Variants in DPYS observed in about 807,000 individuals in gnomAD.
DPYS encodes dihydropyrimidinase.
In DPYS, 39 loss-of-function variants were observed where a neutral mutation model predicts 50.3. The observed-to-expected ratio is 0.78, with a 90% confidence interval of 0.60 to 1.01. DPYS has a LOEUF of 1.01. Ranked by LOEUF, DPYS falls within the 50% of genes least tolerant of loss-of-function variation. The pLI, the probability that DPYS is intolerant of heterozygous loss-of-function variation, is 0.00. For synonymous variants in DPYS, 245 were observed against 250.7 expected, an observed-to-expected ratio of 0.98 and a Z score of 0.22; for missense variants, 659 against 680.9, an observed-to-expected ratio of 0.97 and a Z score of 0.36.
chr8:104,455,488 G>C (rs1192447752), intron 1 of DPYS, among the ~76,000 whole-genome samples: 2 of 152,206 alleles, frequency 1.3e-5, no homozygotes, highest in South Asian at 2.1e-4. Flanking sequence ...CAGAGGAGGA[G>C]CATGATCTGC....
intron 4 of DPYS, among the ~76,000 whole-genome samples, chr8:104,431,441 T>A (rs939898531): frequency 1.3e-5 from 2 of 151,048 alleles, no homozygotes; most frequent in South Asian, 2.1e-4. Context: ...CCATCTAGTA[T>A]CTGTTAATAT....
intron 1 of DPYS, among the ~76,000 whole-genome samples, chr8:104,465,207 C>G (rs1051747461): frequency 1.3e-5 from 2 of 150,648 alleles, no homozygotes; most frequent in Non-Finnish European, 2.9e-5. Flanking sequence ...GTAGCTATCA[C>G]CAAAACTGCT....
At chr8:104,421,815 C>T (rs1040324053) in intron 7 of DPYS, among the ~76,000 whole-genome samples, 1 of 152,134 alleles carries the variant, frequency 6.6e-6, no homozygotes, top group Non-Finnish European at 1.5e-5. Flanking sequence ...ACATCTGGAT[C>T]TTTATGTGCT....
Position 104,423,729 on chromosome 8 carries a change from A to G in DPYS, c.1235+518T>C, listed in dbSNP as rs1433060429. Among the ~76,000 whole-genome samples the G allele has an allele frequency of 2.6e-5, 4 of 152,320 alleles. No homozygotes were observed. The East Asian group carries it at 7.7e-4, about 29-fold the overall frequency. On this transcript the variant is annotated intron_variant, in intron 7 of 9. Transcript: ENST00000351513. ...AGTTGGTGGAATTTGCCAGACTTGC[A>G]ATATTAACATAGAATTATGGAAATT...
intron 7 of DPYS, among the ~76,000 whole-genome samples, chr8:104,398,939 C>A (rs1336366935): frequency 6.6e-6 from 1 of 152,180 alleles, no homozygotes; most frequent in East Asian, 1.9e-4. Context: ...GCTGATGGGC[C>A]TCATGTCATC....
intron 7 of DPYS, among the ~76,000 whole-genome samples, chr8:104,394,942 T>C (rs951855964): frequency 1.3e-5 from 2 of 151,464 alleles, no homozygotes; most frequent in African/African-American, 4.9e-5. Flanking sequence ...AAAGGTTATA[T>C]CACTTGCCAA....
At chr8:104,385,816 A>T (rs550464733) in intron 8 of DPYS, among the ~76,000 whole-genome samples, 36 of 152,202 alleles carry the variant, frequency 2.4e-4, no homozygotes, top group Middle Eastern at 3.4e-3. Flanking sequence ...CTGCCATGTG[A>T]TGCCTTCCTC....
chr8:104,427,825 G>A (rs1196233556), intron 6 of DPYS, among the ~76,000 whole-genome samples, 155 bp downstream of exon 6: 4 of 152,216 alleles, frequency 2.6e-5, no homozygotes, highest in African/African-American at 9.6e-5. Flanking sequence ...GGGATGGAAT[G>A]GTGGTCGAGG....
chr8:104,433,163 C>T (rs568509844), intron 4 of DPYS, among the ~76,000 whole-genome samples: 1 of 152,270 alleles, frequency 6.6e-6, no homozygotes, highest in South Asian at 2.1e-4. Flanking sequence ...CCTGTTCAAC[C>T]CTGTTGTCAC....
intron 7 of DPYS, among the ~76,000 whole-genome samples, chr8:104,413,369 T>C (rs2140579832): frequency 6.6e-6 from 1 of 151,012 alleles, no homozygotes; most frequent in East Asian, 1.9e-4. Flanking sequence ...GAAATGCACC[T>C]ATATATATAT....
intron 7 of DPYS, among the ~76,000 whole-genome samples, chr8:104,401,888 C>T (rs758156211): frequency 6.6e-6 from 1 of 152,220 alleles, no homozygotes. Flanking sequence ...CTTCCACCCT[C>T]TATTGAGACT....
At chr8:104,422,696 T>G (rs1812588337) in intron 7 of DPYS, among the ~76,000 whole-genome samples, 1 of 152,222 alleles carries the variant, frequency 6.6e-6, no homozygotes, top group African/African-American at 2.4e-5. Flanking sequence ...GTTTTCTCCC[T>G]TTTGAAAATT....
intron 7 of DPYS, among the ~76,000 whole-genome samples, chr8:104,415,392 T>C (rs902409281): frequency 6.6e-6 from 1 of 152,248 alleles, no homozygotes; most frequent in Admixed American, 6.5e-5. Flanking sequence ...ATTTCTAAGC[T>C]GCTTTTCTTT....
At chr8:104,399,866 C>CAAAAAAAAAAA (rs57562204) in intron 7 of DPYS, among the ~76,000 whole-genome samples, 1 of 52,532 alleles carries the variant, frequency 1.9e-5, no homozygotes, top group Admixed American at 3.0e-4. Flanking sequence ...GACTCCGTCT[C>CAAAAAAAAAAA]AAAAAAAAAA....
At chr8:104,441,874 CA>C (rs1284006072) in intron 4 of DPYS, among the ~76,000 whole-genome samples, 3 of 152,040 alleles carry the variant, frequency 2.0e-5, no homozygotes, top group South Asian at 2.1e-4. Flanking sequence ...CCTGCACTTA[CA>C]AAAAAGAATG....
At chr8:104,431,917 T>C (rs1222114123) in intron 4 of DPYS, among the ~76,000 whole-genome samples, 1 of 152,216 alleles carries the variant, frequency 6.6e-6, no homozygotes, top group African/African-American at 2.4e-5. Flanking sequence ...GGAAAGAGCA[T>C]GTATTTCTAA....
chr8:104,428,190 C>G (rs999074134), intron 5 of DPYS, 69 bp from the exon 6 acceptor site: 1 of 1,595,826 alleles, frequency 6.3e-7, no homozygotes, highest in Non-Finnish European at 8.6e-7. Flanking sequence ...ACTGCCATAA[C>G]CTTTCCTAAT....
chr8:104,423,524 G>A (rs1023513073), intron 7 of DPYS, among the ~76,000 whole-genome samples: 1 of 152,170 alleles, frequency 6.6e-6, no homozygotes, highest in Admixed American at 6.5e-5. Context: ...ATGCCTGTAC[G>A]AGGAGGCAGA....
chr8:104,466,711 C>A lies in DPYS; in HGVS notation c.210G>T (p.Met70Ile). ...ACCGCGAGCCCATGAAGGGGAACTG[C>A]ATGTGCGTGTGTGTGTCGATGCCTC... Reference protein sequence around the residue: ...LPGGIDTHTHMQFPFMGSRSI... With the variant: ...LPGGIDTHTHIQFPFMGSRSI... Residue 70 changes from methionine to isoleucine, a missense_variant, in exon 1 of 10, where the codon ATG becomes ATT. Coordinates refer to ENST00000351513, the MANE Select transcript of DPYS (RefSeq NM_001385.3). The A allele has an allele frequency of 6.5e-7, 1 of 1,535,082 alleles. No homozygotes were observed.
Sources: gnomAD v4.1 joint callset for allele counts (sites outside exome capture counted in the v4.1 genomes callset) on GRCh38, gnomAD v4.1.1 for gene constraint, MANE v1.5 for transcripts, NCBI Gene and HGNC (gene_info 2026-07-23, HGNC 2026-07-21) for gene names.